The following ROBO1 variants were observed in gnomAD, a reference collection of about 807,000 sequenced individuals.
The protein encoded by ROBO1 is roundabout guidance receptor 1, also known as roundabout homolog 1.
In ROBO1, 149 loss-of-function variants were observed where a neutral mutation model predicts 195.9. That is an observed-to-expected ratio of 0.76 (90% CI 0.67 to 0.87). The LOEUF is 0.87. Among genes scored for constraint, ROBO1 ranks in the 40% least tolerant of loss-of-function variants. ROBO1 has a pLI of 0.00. For missense variants in ROBO1, 1,933 were observed against 2,068.3 expected (o/e 0.93, Z 1.27); for synonymous variants, 816 against 733.2 (o/e 1.11, Z -1.82).
chr3:79,012,647 C>T (rs1020678492), intron 3 of ROBO1, among the ~76,000 whole-genome samples: 4 of 152,138 alleles, frequency 2.6e-5, no homozygotes, highest in African/African-American at 7.2e-5. Context: ...TGTCATAAGA[C>T]ATTTGGAAGC....
chr3:78,728,315 G>A (rs868766915), intron 5 of ROBO1, among the ~76,000 whole-genome samples: 10 of 152,158 alleles, frequency 6.6e-5, no homozygotes, highest in African/African-American at 1.7e-4. Flanking sequence ...ACAGGCTGTC[G>A]GGTAAACTTG....
chr3:79,592,405 A>T (rs1944031641), intron 1 of ROBO1, among the ~76,000 whole-genome samples: 1 of 152,006 alleles, frequency 6.6e-6, no homozygotes, highest in Non-Finnish European at 1.5e-5. Flanking sequence ...GAATTTATGT[A>T]GTAAGTGGCT....
At chr3:79,643,720 C>T (rs1945734613) in intron 1 of ROBO1, among the ~76,000 whole-genome samples, 1 of 151,688 alleles carries the variant, frequency 6.6e-6, no homozygotes, top group Admixed American at 6.6e-5. Flanking sequence ...ATACAAAAAC[C>T]TATAATAGAT....
At chr3:78,675,859 G>C (rs1029941717) in intron 10 of ROBO1, among the ~76,000 whole-genome samples, 1 of 152,102 alleles carries the variant, frequency 6.6e-6, no homozygotes, top group African/African-American at 2.4e-5. Flanking sequence ...CTGAGAAAGG[G>C]CAGACTGCCT....
chr3:78,868,652 G>C (rs899180598), intron 4 of ROBO1, among the ~76,000 whole-genome samples: 1 of 152,014 alleles, frequency 6.6e-6, no homozygotes, highest in Non-Finnish European at 1.5e-5. Flanking sequence ...AAAATTTCAG[G>C]ATAAAATAAA....
chr3:79,105,978 A>T (rs558556795), intron 3 of ROBO1, among the ~76,000 whole-genome samples: 1 of 151,828 alleles, frequency 6.6e-6, no homozygotes, highest in Admixed American at 6.6e-5. Flanking sequence ...GGTTTCTGTT[A>T]AATTTAAAGT....
chr3:79,314,328 T>C (rs1000965474), intron 2 of ROBO1, among the ~76,000 whole-genome samples: 2 of 152,198 alleles, frequency 1.3e-5, no homozygotes, highest in African/African-American at 4.8e-5. Flanking sequence ...CCATGTGTCA[T>C]GGGAGAGACC....
At chr3:78,727,004 A>G (rs1476860621) in intron 5 of ROBO1, among the ~76,000 whole-genome samples, 4 of 152,170 alleles carry the variant, frequency 2.6e-5, no homozygotes, top group Non-Finnish European at 5.9e-5. Flanking sequence ...GGCTACAAGA[A>G]TAATATCAGC....
At chr3:78,896,388 C>A (rs1467586726) in intron 4 of ROBO1, among the ~76,000 whole-genome samples, 1 of 152,072 alleles carries the variant, frequency 6.6e-6, no homozygotes, top group African/African-American at 2.4e-5. Context: ...TAACTGATGA[C>A]ATTCCACCAT....
intron 2 of ROBO1, among the ~76,000 whole-genome samples, chr3:79,577,702 C>T (rs1457614960): frequency 6.8e-6 from 1 of 146,822 alleles, no homozygotes; most frequent in Non-Finnish European, 1.5e-5. Flanking sequence ...ATGAAGAAAT[C>T]CTGTCTTTAC....
chr3:79,002,227 G>C (rs923198950), intron 3 of ROBO1, among the ~76,000 whole-genome samples: 1 of 152,012 alleles, frequency 6.6e-6, no homozygotes, highest in African/African-American at 2.4e-5. Flanking sequence ...CAATATGAAG[G>C]GGGATATGTC....
chr3:79,630,470 T>C (rs575658374), intron 1 of ROBO1, among the ~76,000 whole-genome samples: 6 of 152,084 alleles, frequency 3.9e-5, no homozygotes, highest in South Asian at 4.1e-4. Flanking sequence ...CTTCACAAAA[T>C]AGGCATCAAA....
At chr3:79,021,292 A>G (rs1470933555) in intron 3 of ROBO1, among the ~76,000 whole-genome samples, 4 of 152,244 alleles carry the variant, frequency 2.6e-5, no homozygotes, top group Non-Finnish European at 5.9e-5. Flanking sequence ...AATACAAAAT[A>G]CTTTTAAGAG....
intron 2 of ROBO1, among the ~76,000 whole-genome samples, chr3:79,369,813 G>A (rs769722724): frequency 6.6e-6 from 1 of 151,978 alleles, no homozygotes; most frequent in African/African-American, 2.4e-5. Context: ...CCTTAAGTAC[G>A]TTCAAGTAAA....
At chr3:79,408,833 TA>T (rs1394707783) in intron 2 of ROBO1, among the ~76,000 whole-genome samples, 1 of 152,188 alleles carries the variant, frequency 6.6e-6, no homozygotes, top group African/African-American at 2.4e-5. Context: ...GATATCTTTG[TA>T]AATAAATGTT....
chr3:79,366,501 A>G (rs62259738), intron 2 of ROBO1, among the ~76,000 whole-genome samples: 3,517 of 152,170 alleles, frequency 0.023, 61 homozygotes, highest in Non-Finnish European at 0.035. Flanking sequence ...TCACAACTTC[A>G]GCTCCATGTT....
intron 2 of ROBO1, among the ~76,000 whole-genome samples, chr3:79,455,093 A>G (rs1327443388): frequency 1.3e-5 from 2 of 152,026 alleles, no homozygotes; most frequent in Non-Finnish European, 2.9e-5. Flanking sequence ...AGTTATTAAA[A>G]ACTCAGCGAG....
At chr3:78,928,420 C>A (rs1259840371) in intron 4 of ROBO1, among the ~76,000 whole-genome samples, 1 of 151,664 alleles carries the variant, frequency 6.6e-6, no homozygotes, top group Admixed American at 6.6e-5. Flanking sequence ...ATGCAGTGAC[C>A]TAAGTGTTAA....
chr3:79,530,806 T>C lies in ROBO1; in HGVS notation c.88+59018A>G, dbSNP rs112592618. On this transcript the variant is annotated intron_variant, in intron 2 of 30. Transcript: ENST00000464233. ...ACACACACACACACACACACACACA[T>C]CCTTCCCTGGATTCCCAGTGTTCTT... Among the ~76,000 whole-genome samples the C allele has an allele frequency of 5.4e-3, 530 of 97,472 alleles. 4 individuals carry two copies. Among genetic ancestry groups the C allele is most frequent in the African/African-American group, 0.018 (493 of 27,446 alleles). 63.9% of individuals were successfully genotyped at this position (97,472 alleles called of 152,430 possible).
Sources: allele counts gnomAD v4.1 joint callset (sites outside exome capture counted in the v4.1 genomes callset), GRCh38; gene constraint gnomAD v4.1.1; transcripts MANE v1.5; gene names NCBI Gene and HGNC (gene_info 2026-07-23, HGNC 2026-07-21).